Variants in TENM2 observed in about 807,000 individuals in gnomAD.
TENM2 encodes the protein teneurin transmembrane protein 2, also known as teneurin-2.
In TENM2, 52 loss-of-function variants were observed where a neutral mutation model predicts 245.2. That is an observed-to-expected ratio of 0.21 (90% CI 0.17 to 0.27). The LOEUF (loss-of-function observed/expected upper bound fraction) is 0.27, where lower values mean the gene tolerates loss of function less well. TENM2 is among the 10% of genes least tolerant of loss of function. The pLI, the probability that TENM2 is intolerant of heterozygous loss-of-function variation, is 1.00. For missense variants in TENM2, 3,046 were observed against 3,666.8 expected (o/e 0.83, Z 4.37); for synonymous variants, 1,363 against 1,438.9 (o/e 0.95, Z 1.19).
At chr5:167,150,708 T>C in the TENM2 span, among the ~76,000 whole-genome samples, 5 of 152,318 alleles carry the variant, frequency 3.3e-5, no homozygotes, top group African/African-American at 7.2e-5. Flanking sequence ...TGAAGCTTAG[T>C]TGAAATTCTA....
chr5:167,234,779 T>C, the TENM2 span, among the ~76,000 whole-genome samples: 1 of 152,200 alleles, frequency 6.6e-6, no homozygotes, highest in African/African-American at 2.4e-5. Flanking sequence ...AAAGAGATTA[T>C]ATATGATGGA....
At chr5:167,275,487 A>G in the TENM2 span, among the ~76,000 whole-genome samples, 332 of 152,210 alleles carry the variant, frequency 2.2e-3, no homozygotes, top group African/African-American at 7.4e-3. Context: ...CCTTCAATCC[A>G]TGACACAATA....
At chr5:168,040,734 TC>T (rs1223804809) in intron 5 of TENM2, among the ~76,000 whole-genome samples, 1 of 152,194 alleles carries the variant, frequency 6.6e-6, no homozygotes, top group Non-Finnish European at 1.5e-5. Flanking sequence ...CTGACAGCAT[TC>T]CTAAAAATAA....
intron 2 of TENM2, among the ~76,000 whole-genome samples, chr5:167,484,704 G>A (rs2127533696): frequency 6.6e-6 from 1 of 152,286 alleles, no homozygotes; most frequent in Non-Finnish European, 1.5e-5. Context: ...GACACAAAGG[G>A]AGATTGATTG....
At chr5:167,322,829 C>T (rs1756850574) in intron 1 of TENM2, among the ~76,000 whole-genome samples, 1 of 152,156 alleles carries the variant, frequency 6.6e-6, no homozygotes, top group Non-Finnish European at 1.5e-5. Flanking sequence ...TAAAACCCAG[C>T]CAAATAGGGA....
chr5:167,440,264 A>G (rs1013731012), intron 2 of TENM2, among the ~76,000 whole-genome samples: 2 of 152,240 alleles, frequency 1.3e-5, no homozygotes, highest in Non-Finnish European at 2.9e-5. Flanking sequence ...TAGAATTTCC[A>G]TAATACAATG....
At chr5:167,588,078 T>C (rs1220535933) in intron 2 of TENM2, among the ~76,000 whole-genome samples, 1 of 152,220 alleles carries the variant, frequency 6.6e-6, no homozygotes, top group Admixed American at 6.5e-5. Flanking sequence ...CTGTTGAAAG[T>C]GAGTGATATT....
the TENM2 span, among the ~76,000 whole-genome samples, chr5:167,276,070 T>C: frequency 6.6e-6 from 1 of 152,062 alleles, no homozygotes; most frequent in African/African-American, 2.4e-5. Context: ...GGTGTGTAAT[T>C]GTGTTTATAT....
intron 2 of TENM2, among the ~76,000 whole-genome samples, chr5:167,404,269 G>A (rs1456373976): frequency 6.6e-6 from 1 of 151,960 alleles, no homozygotes; most frequent in East Asian, 1.9e-4. Flanking sequence ...AAAGGCCCGT[G>A]CAATTGGGGA....
intron 1 of TENM2, among the ~76,000 whole-genome samples, chr5:167,339,062 TC>T (rs1429704125): frequency 6.6e-6 from 1 of 152,216 alleles, no homozygotes; most frequent in Non-Finnish European, 1.5e-5. Context: ...AGATTTGTGT[TC>T]TTCTTGCATA....
the TENM2 span, among the ~76,000 whole-genome samples, chr5:167,250,225 T>A: frequency 6.6e-6 from 1 of 151,870 alleles, no homozygotes; most frequent in East Asian, 1.9e-4. Context: ...GGAGGCTGAG[T>A]GGGGAGGATC....
chr5:167,030,246 C>T, the TENM2 span, among the ~76,000 whole-genome samples: 69 of 152,174 alleles, frequency 4.5e-4, no homozygotes, highest in African/African-American at 1.1e-3. Context: ...GACTACAGGC[C>T]GATTTGATAT....
intron 3 of TENM2, among the ~76,000 whole-genome samples, chr5:167,881,553 C>A (rs1004813200): frequency 6.6e-6 from 1 of 152,150 alleles, no homozygotes; most frequent in African/African-American, 2.4e-5. Context: ...ATATCAAGTG[C>A]AAACATCATT....
chr5:168,238,213 G>GAAGAAAAGAAAAGAAAAGAAAAGAAAA (rs1491309340), intron 25 of TENM2, among the ~76,000 whole-genome samples: 1 of 40,730 alleles, frequency 2.5e-5, no homozygotes, highest in Non-Finnish European at 4.7e-5. Flanking sequence ...GAGGGAGGGA[G>GAAGAAAAGAAAAGAAAAGAAAAGAAAA]GGAGAGAGAA....
chr5:168,234,126 T>C (rs529696628), intron 25 of TENM2, among the ~76,000 whole-genome samples: 1 of 152,026 alleles, frequency 6.6e-6, no homozygotes, highest in Non-Finnish European at 1.5e-5. Context: ...TCTCCTACAG[T>C]AGACTAATGT....
chr5:167,610,815 A>G (rs1461798688), intron 2 of TENM2, among the ~76,000 whole-genome samples: 4 of 152,186 alleles, frequency 2.6e-5, no homozygotes, highest in Non-Finnish European at 1.5e-5. Context: ...GGGAAAATAT[A>G]TGATCTGTGA....
intron 1 of TENM2, among the ~76,000 whole-genome samples, chr5:167,352,580 G>A (rs1758989676): frequency 1.3e-5 from 2 of 152,042 alleles, no homozygotes; most frequent in South Asian, 4.2e-4. Flanking sequence ...TTTAGCCTTT[G>A]GGCTTACAGG....
intron 3 of TENM2, among the ~76,000 whole-genome samples, chr5:167,930,779 CATG>C (rs1257613193): frequency 3.5e-4 from 53 of 150,376 alleles, no homozygotes; most frequent in Non-Finnish European, 6.2e-4. Flanking sequence ...TTTAAAAAAG[CATG>C]ATTTCTTTTC....
At chr5:167,494,564 A>G (rs938343199) in intron 2 of TENM2, among the ~76,000 whole-genome samples, 1 of 152,120 alleles carries the variant, frequency 6.6e-6, no homozygotes, top group Non-Finnish European at 1.5e-5. Flanking sequence ...GTCCAGTCCA[A>G]TGCAAGAAGA....
Sources: allele counts gnomAD v4.1 joint callset (sites outside exome capture counted in the v4.1 genomes callset), GRCh38; gene constraint gnomAD v4.1.1; transcripts MANE v1.5; gene names NCBI Gene and HGNC (gene_info 2026-07-23, HGNC 2026-07-21).